The following TRPA1 variants were observed in gnomAD, a reference collection of about 807,000 sequenced individuals.
TRPA1 encodes transient receptor potential cation channel subfamily A member 1.
Under a neutral mutation model 131.3 loss-of-function variants are expected in TRPA1, and 129 were observed. The observed-to-expected ratio is 0.98, with a 90% CI of 0.85 to 1.14. The LOEUF is 1.14. TRPA1 is among the 50% of genes most tolerant of loss of function. TRPA1 has a pLI of 0.00. For missense variants in TRPA1, 1,304 were observed against 1,354.2 expected, an observed-to-expected ratio of 0.96 and a Z score of 0.58; for synonymous variants, 441 against 451.7, an observed-to-expected ratio of 0.98 and a Z score of 0.30.
At chr8:72,026,123 AT>A in intron 24 of TRPA1, 50 bp from the exon 25 acceptor site, 1 of 1,390,474 alleles carries the variant, frequency 7.2e-7, no homozygotes, top group Non-Finnish European at 1.0e-6. Context: ...AGTATATGGA[AT>A]TTTTATATGG....
chr8:72,031,661 T>C (rs1188867679), intron 23 of TRPA1, among the ~76,000 whole-genome samples: 3 of 151,968 alleles, frequency 2.0e-5, no homozygotes, highest in Non-Finnish European at 4.4e-5. Context: ...AACCATTTCA[T>C]ACCTGCTGCT....
intron 2 of TRPA1, among the ~76,000 whole-genome samples, chr8:72,070,792 T>C (rs1460784740): frequency 6.6e-6 from 1 of 152,238 alleles, no homozygotes; most frequent in Non-Finnish European, 1.5e-5. Context: ...TGACTTCCTG[T>C]GCAATCACGC....
At chr8:72,039,934 T>G in intron 17 of TRPA1, 137 bp from the exon 18 acceptor site, 1 of 654,416 alleles carries the variant, frequency 1.5e-6, no homozygotes, top group Non-Finnish European at 2.7e-6. Context: ...TTGAAAAAAA[T>G]AAAAATTAGA....
intron 2 of TRPA1, among the ~76,000 whole-genome samples, chr8:72,071,046 CGA>C (rs916223148): frequency 4.6e-5 from 7 of 152,166 alleles, no homozygotes; most frequent in African/African-American, 1.7e-4. Context: ...ATTTTGCTGT[CGA>C]GCACTATTGA....
chr8:72,023,428 A>G (rs1811467225), intron 26 of TRPA1: 1 of 466,856 alleles, frequency 2.1e-6, no homozygotes, highest in East Asian at 3.9e-5. Context: ...AGGGGTTTGA[A>G]CTCAGGTACT....
rs1434254599 is a variant in TRPA1, at chr8:72,052,990, TGTGTGAGA to T, written c.1645-233_1645-226del. On this transcript the variant is annotated intron_variant, in intron 13 of 26. Transcript: ENST00000262209. ...CTGTGTGTGTGTGTGTGTGTGTGTGTGTGTGAGAGATAGAGAAAGAGAGAGAGAGAGAG... is the reference window on the plus strand; with the variant it reads ...CTGTGTGTGTGTGTGTGTGTGTGTGTGATAGAGAAAGAGAGAGAGAGAGAG... The T allele has an allele frequency of 2.2e-4, 85 of 394,258 alleles. 3 individuals carry two copies. The highest frequency in any genetic ancestry group is 3.3e-4 in the Non-Finnish European group (71 of 216,840). The allele number at this position is 394,258 out of a possible 1,614,324, so 24.4% of individuals were successfully genotyped here. A position where few individuals can be genotyped will look rare whatever the true frequency, so the allele number is the denominator to read the frequency against.
At chr8:72,063,059 T>A in intron 5 of TRPA1, 115 bp from the exon 6 acceptor site, 1 of 1,029,514 alleles carries the variant, frequency 9.7e-7, no homozygotes, top group Non-Finnish European at 1.4e-6. Flanking sequence ...CCGAGACACA[T>A]AAAAGCTTGT....
intron 6 of TRPA1, among the ~76,000 whole-genome samples, chr8:72,062,471 A>C (rs1254606947): frequency 6.6e-6 from 1 of 152,194 alleles, no homozygotes; most frequent in African/African-American, 2.4e-5. Flanking sequence ...ACTAAAGCCA[A>C]ATACATTCAT....
rs1468369734 is a variant in TRPA1, at chr8:72,038,919, G to A, written c.2241C>T (p.Asn747=). The A allele has an allele frequency of 2.5e-6, 4 of 1,612,846 alleles. No homozygotes were observed. The highest frequency in any genetic ancestry group is 3.3e-4 in the Middle Eastern group (2 of 6,068). The change falls in exon 19 of 27, where the codon AAC becomes AAT. Residue 747 remains asparagine, a synonymous_variant. Transcript: ENST00000262209. ...VVNIKPGMAF[N]STGIINETSD... ...TAGTTTCATTGATGATGCCAGTTGAGTTGAAAGCCATTCCTGGTTTTATAT... is the reference window on the plus strand; with the variant it reads ...TAGTTTCATTGATGATGCCAGTTGAATTGAAAGCCATTCCTGGTTTTATAT...
chr8:72,039,637 T>A, intron 18 of TRPA1, 90 bp downstream of exon 18: 1 of 910,522 alleles, frequency 1.1e-6, no homozygotes, highest in Non-Finnish European at 1.8e-6. Flanking sequence ...GCTAAAACAT[T>A]AAAATACCAT....
chr8:72,069,035 A>G lies in TRPA1; in HGVS notation c.432T>C (p.Asn144=). 1 of 1,614,186 alleles carries G rather than the reference A, an allele frequency of 6.2e-7. No individual in the cohort carries two copies. The highest frequency in any genetic ancestry group is 8.5e-7 in the Non-Finnish European group (1 of 1,180,026). The part of the protein sequence containing the change: ...PLHIAVQGMN[N]EVMKVLLEHR... The stretch of plus-strand genomic sequence containing the variant: ...CCAGTAGCCTTACCTTCATCACCTC[A>G]TTATTCATGCCCTGCACAGCTATGT... The change falls in exon 3 of 27, where the codon AAT becomes AAC. Residue 144 remains asparagine (N), a synonymous_variant. Coordinates refer to ENST00000262209, the MANE Select transcript of TRPA1 (RefSeq NM_007332.3).
rs16937952 is a variant in TRPA1 at position 72,055,248 on chromosome 8, T to C, written c.1529+188A>G. The stretch of plus-strand genomic sequence containing the variant: ...CTATAAACTTCAAAGTCTTTGTCAG[T>C]TGGAAATAATACTGACTTCCCTTTC... On this transcript the variant is annotated intron_variant, in intron 12 of 26. Coordinates refer to ENST00000262209, the MANE Select transcript of TRPA1 (RefSeq NM_007332.3). 5.3e-3 allele frequency: 3,179 copies of C among 597,312 alleles called. 94 individuals are homozygous for C. The highest frequency in any genetic ancestry group is 0.05 in the African/African-American group (2,702 of 53,642). The allele number at this position is 597,312 out of a possible 1,614,324, so 37.0% of individuals were successfully genotyped here. A position where few individuals can be genotyped will look rare whatever the true frequency, so the allele number is the denominator to read the frequency against.
chr8:72,026,161 A>C, intron 24 of TRPA1, 88 bp from the exon 25 acceptor site: 1 of 1,021,202 alleles, frequency 9.8e-7, no homozygotes, highest in Non-Finnish European at 1.5e-6. Context: ...AATACAGCAA[A>C]ATGAAAACTG....
chr8:72,061,587 G>T, intron 7 of TRPA1, 38 bp downstream of exon 7: 1 of 1,612,674 alleles, frequency 6.2e-7, no homozygotes. Flanking sequence ...TCATGAAGAT[G>T]AAAAATCTGT....
chr8:72,053,926 G>T, intron 12 of TRPA1, 59 bp from the exon 13 acceptor site: 1 of 1,278,070 alleles, frequency 7.8e-7, no homozygotes, highest in East Asian at 2.4e-5. Flanking sequence ...TGCGGGATGG[G>T]ATGCCACTTG....
At chr8:72,025,910 T>C (rs752589162) in intron 25 of TRPA1, 50 bp downstream of exon 25, 2 of 1,484,680 alleles carry the variant, frequency 1.3e-6, no homozygotes, top group East Asian at 2.3e-5. Flanking sequence ...AATGAATGAA[T>C]GTCAAACAGT....
Position 72,052,717 on chromosome 8 carries a change from C to T in TRPA1, c.1693G>A (p.Ala565Thr). ...AAREGHAKAV[A>T]LLLSHNADIV... ...TCAGCATTGTGGCTCAGAAGAAGCG[C>T]AACGGCTTTGGCGTGGCCTTCCCTT... The change falls in exon 14 of 27, where the codon GCG (alanine) becomes ACG (threonine). Residue 565 changes from alanine (A) to threonine (T), a missense_variant. Transcript: ENST00000262209. 1 of 1,613,802 alleles carries T rather than the reference C, an allele frequency of 6.2e-7. No homozygotes were observed. The highest frequency in any genetic ancestry group is 8.5e-7 in the Non-Finnish European group (1 of 1,179,876).
intron 24 of TRPA1, among the ~76,000 whole-genome samples, chr8:72,027,450 A>C (rs536973859): frequency 7.2e-5 from 11 of 152,294 alleles, no homozygotes; most frequent in African/African-American, 1.9e-4. Context: ...TCTAATTTGC[A>C]GTGGAGATAT....
chr8:72,029,131 C>T (rs60309999), intron 24 of TRPA1, among the ~76,000 whole-genome samples: 2,223 of 152,276 alleles, frequency 0.015, 75 homozygotes, highest in African/African-American at 0.05. Context: ...CCAAATTTTA[C>T]ATCAAATTGT....
Sources: gnomAD v4.1 joint callset for allele counts (sites outside exome capture counted in the v4.1 genomes callset) on GRCh38, gnomAD v4.1.1 for gene constraint, MANE v1.5 for transcripts, NCBI Gene and HGNC (gene_info 2026-07-23, HGNC 2026-07-21) for gene names.